The following RBL1 variants were observed in gnomAD, a reference collection of about 807,000 sequenced individuals.
RBL1 encodes retinoblastoma-like protein 1.
A neutral mutation model predicts 123.0 loss-of-function variants in RBL1; 82 were observed. That is an observed-to-expected ratio of 0.67 (90% CI 0.56 to 0.80). The LOEUF is 0.80. Among genes scored for constraint, RBL1 ranks in the 30% least tolerant of loss-of-function variants. The probability of loss-of-function intolerance (pLI) is 0.00; values close to 1 mark genes in which losing one functional copy is unlikely to be tolerated. For missense variants in RBL1, 1,171 were observed against 1,299.6 expected (o/e 0.90, Z 1.52); for synonymous variants, 405 against 441.3 (o/e 0.92, Z 1.03).
chr20:36,997,193 GAAAGCATCCCTAGTACTGA>G lies in RBL1; in HGVS notation c.*1547_*1565del, dbSNP rs2063897576. 1 of 152,034 alleles carries G rather than the reference GAAAGCATCCCTAGTACTGA, an allele frequency of 6.6e-6. No homozygotes were observed. Among genetic ancestry groups the G allele is most frequent in the African/African-American group, 2.4e-5 (1 of 41,386 alleles). 9.4% of individuals were successfully genotyped at this position (152,034 alleles called of 1,614,324 possible). A position where few individuals can be genotyped will look rare whatever the true frequency, so the allele number is the denominator to read the frequency against. On this transcript the variant is annotated 3_prime_UTR_variant, in exon 22 of 22. Coordinates refer to ENST00000373664, the MANE Select transcript of RBL1 (RefSeq NM_002895.5). Reference sequence around the variant, plus strand: ...TAAACGTTAAAGAGGTGATATTTTGGAAAGCATCCCTAGTACTGAAAAGCATCCCTAGCACTGAAAAAAG... The same window carrying G: ...TAAACGTTAAAGAGGTGATATTTTGGAAAGCATCCCTAGCACTGAAAAAAG...
chr20:37,045,077 T>TTTACTTAC (rs373690469), intron 12 of RBL1, among the ~76,000 whole-genome samples: 11,380 of 144,090 alleles, frequency 0.079, 570 homozygotes, highest in Middle Eastern at 0.17. Context: ...TTCACATTTA[T>TTTACTTAC]TTACTTATTT....
At chr20:37,004,936 G>T (rs1033077843) in intron 20 of RBL1, among the ~76,000 whole-genome samples, 1 of 151,800 alleles carries the variant, frequency 6.6e-6, no homozygotes, top group African/African-American at 2.4e-5. Flanking sequence ...CCTGCCACTC[G>T]GGAGGCTGAG....
At chr20:37,045,111 T>TA (rs1450509602) in intron 12 of RBL1, among the ~76,000 whole-genome samples, 2 of 151,230 alleles carry the variant, frequency 1.3e-5, no homozygotes, top group Non-Finnish European at 2.9e-5. Flanking sequence ...TTTATTTATT[T>TA]ATTTATTTAT....
At chr20:37,074,774 G>A (rs1003527063) in intron 2 of RBL1, among the ~76,000 whole-genome samples, 2 of 149,102 alleles carry the variant, frequency 1.3e-5, no homozygotes, top group South Asian at 2.1e-4. Context: ...GCAGTGAGCC[G>A]AGATCATGCC....
chr20:37,041,203 G>A (rs1407832341), intron 13 of RBL1, among the ~76,000 whole-genome samples: 2 of 151,938 alleles, frequency 1.3e-5, no homozygotes, highest in Non-Finnish European at 2.9e-5. Context: ...CAAAAGACAC[G>A]AGTTACAAAA....
intron 18 of RBL1, among the ~76,000 whole-genome samples, 193 bp downstream of exon 18, chr20:37,020,466 C>T (rs531360717): frequency 3.0e-4 from 46 of 152,200 alleles, no homozygotes; most frequent in East Asian, 5.8e-4. Flanking sequence ...ATGGATGAGT[C>T]GGAAACAGTC....
rs6030829 is a variant in RBL1 at position 37,027,013 on chromosome 20, C to A, written c.2383-4187G>T. On this transcript the variant is annotated intron_variant, in intron 16 of 21. Transcript: ENST00000373664. The stretch of plus-strand genomic sequence containing the variant: ...GAGACTCCATCTTAAAAAAAAACAA[C>A]AAAAAAAAACAACAAAAAAAAACCA... Among the ~76,000 whole-genome samples, 162 of 140,152 alleles carry A rather than the reference C, an allele frequency of 1.2e-3. 2 individuals are homozygous for A. The highest frequency in any genetic ancestry group is 7.0e-3 in the South Asian group (30 of 4,304). 91.9% of individuals were successfully genotyped at this position (140,152 alleles called of 152,430 possible).
At chr20:37,029,071 C>T (rs561031448) in intron 16 of RBL1, among the ~76,000 whole-genome samples, 72 of 152,204 alleles carry the variant, frequency 4.7e-4, no homozygotes, top group African/African-American at 1.7e-3. Flanking sequence ...TTCAGTATAA[C>T]ACACCATATT....
intron 19 of RBL1, among the ~76,000 whole-genome samples, chr20:37,013,754 T>TAA (rs2064204267): frequency 6.6e-6 from 1 of 152,162 alleles, no homozygotes; most frequent in South Asian, 2.1e-4. Context: ...ATTTGCTTGA[T>TAA]GGTAGCCTTA....
intron 18 of RBL1, among the ~76,000 whole-genome samples, chr20:37,018,885 T>C (rs1047311852): frequency 1.3e-5 from 2 of 152,004 alleles, no homozygotes; most frequent in East Asian, 1.9e-4. Flanking sequence ...TGGGTGGAGG[T>C]TGCATTGAGC....
chr20:37,089,441 A>G (rs2065611434), intron 1 of RBL1, among the ~76,000 whole-genome samples: 1 of 151,898 alleles, frequency 6.6e-6, no homozygotes, highest in African/African-American at 2.4e-5. Flanking sequence ...ACTTGATGCC[A>G]GGAGTTTAAG....
chr20:37,053,881 T>C (rs574210464), intron 11 of RBL1, among the ~76,000 whole-genome samples: 1 of 152,292 alleles, frequency 6.6e-6, no homozygotes, highest in Admixed American at 6.5e-5. Context: ...AAGAACTAAA[T>C]TCATACAGAG....
At chr20:37,011,601 A>G (rs1041574656) in intron 19 of RBL1, among the ~76,000 whole-genome samples, 5 of 151,724 alleles carry the variant, frequency 3.3e-5, no homozygotes, top group Admixed American at 1.3e-4. Flanking sequence ...TGCCTGGCTA[A>G]TTTTTGTATT....
intron 11 of RBL1, among the ~76,000 whole-genome samples, chr20:37,051,303 C>T (rs1192473522): frequency 6.6e-6 from 1 of 152,106 alleles, no homozygotes; most frequent in Non-Finnish European, 1.5e-5. Flanking sequence ...CTCAGCCTCT[C>T]CCAAGTAGCC....
chr20:37,089,088 T>C lies in RBL1; in HGVS notation c.191A>G (p.Tyr64Cys), dbSNP rs1169007415. The C allele has an allele frequency of 1.5e-5, 24 of 1,611,386 alleles. No individual in the cohort carries two copies. Among genetic ancestry groups the C allele is most frequent in the Non-Finnish European group, 2.0e-5 (24 of 1,178,586 alleles). Residue 64 changes from tyrosine to cysteine, a missense_variant, in exon 2 of 22, where the codon TAT becomes TGT. Transcript: ENST00000373664. ...AATAATGCTTTTGCGGCATGCAACATATAATGAACATGCCAACCAGTGTGT... is the reference window on the plus strand; with the variant it reads ...AATAATGCTTTTGCGGCATGCAACACATAATGAACATGCCAACCAGTGTGT... Reference protein sequence around the residue: ...EVTHWLACSLYVACRKSIIPT... With the variant: ...EVTHWLACSLCVACRKSIIPT...
chr20:37,089,194 G>T, intron 1 of RBL1, 72 bp from the exon 2 acceptor site: 2 of 1,385,462 alleles, frequency 1.4e-6, no homozygotes, highest in African/African-American at 1.5e-5. Flanking sequence ...AGAAACAAGA[G>T]ATGTAGAATT....
intron 15 of RBL1, 115 bp downstream of exon 15, chr20:37,035,127 A>AAAT: frequency 1.9e-6 from 2 of 1,052,540 alleles, no homozygotes; most frequent in South Asian, 1.8e-5. Flanking sequence ...AAAAAAAAAA[A>AAAT]GTATAGGTTC....
intron 2 of RBL1, among the ~76,000 whole-genome samples, chr20:37,085,132 C>CTTTTTT (rs1212338574): frequency 3.8e-5 from 5 of 132,978 alleles, no homozygotes; most frequent in East Asian, 2.2e-4. Context: ...CTTTTCTTTT[C>CTTTTTT]TTTTTTTTTT....
chr20:37,013,088 A>G (rs1165428990), intron 19 of RBL1, among the ~76,000 whole-genome samples: 2 of 152,206 alleles, frequency 1.3e-5, no homozygotes, highest in African/African-American at 2.4e-5. Context: ...TGGGAGGTGT[A>G]CCCAACAGCT....
Sources: gnomAD v4.1 joint callset for allele counts (sites outside exome capture counted in the v4.1 genomes callset) on GRCh38, gnomAD v4.1.1 for gene constraint, MANE v1.5 for transcripts, NCBI Gene and HGNC (gene_info 2026-07-23, HGNC 2026-07-21) for gene names.